SIPA1L2: variants seen among roughly 807,000 people sequenced by gnomAD.
The protein encoded by SIPA1L2 is signal-induced proliferation-associated 1-like protein 2.
In SIPA1L2, 56 loss-of-function variants were observed where a neutral mutation model predicts 163.9. That is an observed-to-expected ratio of 0.34 (90% CI 0.28 to 0.43). SIPA1L2 has a LOEUF of 0.43. Ranked by LOEUF, SIPA1L2 falls within the 20% of genes least tolerant of loss-of-function variation. SIPA1L2 has a pLI of 1.00. For synonymous variants in SIPA1L2, 877 were observed against 865.7 expected, an observed-to-expected ratio of 1.01 and a Z score of -0.23; for missense variants, 1,974 against 2,193.5, an observed-to-expected ratio of 0.90 and a Z score of 2.00.
At chr1:232,545,039 A>G (rs1324737601) in intron 2 of SIPA1L2, among the ~76,000 whole-genome samples, 1 of 152,248 alleles carries the variant, frequency 6.6e-6, no homozygotes, top group Non-Finnish European at 1.5e-5. Flanking sequence ...GGAAAAAACC[A>G]GGCAAAGCGG....
At chr1:232,547,587 C>T (rs572326726) in intron 2 of SIPA1L2, among the ~76,000 whole-genome samples, 4 of 1,922 alleles carry the variant, frequency 2.1e-3, no homozygotes, top group East Asian at 0.012. Flanking sequence ...TGGGTGGGGG[C>T]TGGGGGGGGC....
chr1:232,461,182 T>TA (rs1664217139), intron 9 of SIPA1L2, 21 bp from the exon 10 acceptor site: 21 of 1,606,986 alleles, frequency 1.3e-5, no homozygotes, highest in Non-Finnish European at 1.8e-5. Context: ...AGGAGACTGT[T>TA]AGAGATGCCC....
At chr1:232,456,799 T>C (rs571739262) in intron 10 of SIPA1L2, among the ~76,000 whole-genome samples, 1 of 152,312 alleles carries the variant, frequency 6.6e-6, no homozygotes, top group East Asian at 1.9e-4. Flanking sequence ...CCACAGAGAC[T>C]GTCTGCTTGA....
chr1:232,526,756 CACTCATCTGAG>C (rs1426883337), intron 2 of SIPA1L2, among the ~76,000 whole-genome samples: 1 of 152,200 alleles, frequency 6.6e-6, no homozygotes, highest in Non-Finnish European at 1.5e-5. Flanking sequence ...GGCAGCAAGT[CACTCATCTGAG>C]ACTGTGCCCC....
At chr1:232,484,598 T>A (rs1295811871) in intron 5 of SIPA1L2, among the ~76,000 whole-genome samples, 1 of 152,206 alleles carries the variant, frequency 6.6e-6, no homozygotes, top group African/African-American at 2.4e-5. Context: ...CTTGAAAACA[T>A]CTGCTAAATA....
chr1:232,479,487 C>T, intron 7 of SIPA1L2, 140 bp downstream of exon 7: 1 of 667,170 alleles, frequency 1.5e-6, no homozygotes. Context: ...TCCAAATGAT[C>T]AAAGAGTCAA....
At chr1:232,400,008 C>T (rs569837719) in intron 22 of SIPA1L2, among the ~76,000 whole-genome samples, 3 of 152,236 alleles carry the variant, frequency 2.0e-5, no homozygotes, top group South Asian at 2.1e-4. Context: ...GGTGAGTGGA[C>T]GCCCCCACCC....
intron 2 of SIPA1L2, among the ~76,000 whole-genome samples, chr1:232,537,643 G>C (rs1216887985): frequency 1.3e-5 from 2 of 152,192 alleles, no homozygotes; most frequent in Non-Finnish European, 2.9e-5. Flanking sequence ...ATGGGCTGTG[G>C]AGTCAGACGC....
chr1:232,473,162 A>G lies in SIPA1L2; in HGVS notation c.2086-1634T>C, dbSNP rs1268163547. On this transcript the variant is annotated intron_variant, in intron 7 of 22. Coordinates refer to ENST00000674635, the MANE Select transcript of SIPA1L2 (RefSeq NM_020808.5). Reference sequence around the variant, plus strand: ...TAATCAGTGAAAACTATCTTTGGCAAGGACATTCTTTACTCTTTTCTCCAA... The same window carrying G: ...TAATCAGTGAAAACTATCTTTGGCAGGGACATTCTTTACTCTTTTCTCCAA... Among the ~76,000 whole-genome samples, 4 of 152,260 alleles carry G rather than the reference A, an allele frequency of 2.6e-5. 1 individual carries two copies. The highest frequency in any genetic ancestry group is 9.6e-5 in the African/African-American group (4 of 41,468).
At chr1:232,609,279 T>C (rs971241891) in intron 1 of SIPA1L2, among the ~76,000 whole-genome samples, 11 of 152,160 alleles carry the variant, frequency 7.2e-5, no homozygotes, top group African/African-American at 1.9e-4. Flanking sequence ...AAATAAACGG[T>C]TGGACCTAAT....
At chr1:232,490,057 C>T (rs186350198) in intron 5 of SIPA1L2, among the ~76,000 whole-genome samples, 3 of 152,270 alleles carry the variant, frequency 2.0e-5, no homozygotes, top group African/African-American at 4.8e-5. Flanking sequence ...GCTCTGATCA[C>T]GTCACATCCT....
intron 1 of SIPA1L2, among the ~76,000 whole-genome samples, chr1:232,594,827 C>T (rs529594861): frequency 2.4e-4 from 36 of 152,208 alleles, no homozygotes; most frequent in Non-Finnish European, 4.6e-4. Context: ...GCAGGTAATG[C>T]CCAAGCACCT....
chr1:232,471,246 A>G (rs1317192852), intron 8 of SIPA1L2, 125 bp downstream of exon 8: 2 of 1,020,986 alleles, frequency 2.0e-6, no homozygotes, highest in Non-Finnish European at 2.9e-6. Flanking sequence ...TCTTACAGAA[A>G]GTGTCTGAGT....
intron 2 of SIPA1L2, among the ~76,000 whole-genome samples, chr1:232,547,391 G>A (rs1412020422): frequency 6.6e-6 from 1 of 151,908 alleles, no homozygotes; most frequent in Non-Finnish European, 1.5e-5. Flanking sequence ...TTCCGGGTAA[G>A]GTGGTCTCGG....
chr1:232,479,901 C>T (rs553755555), intron 6 of SIPA1L2, among the ~76,000 whole-genome samples, 171 bp from the exon 7 acceptor site: 22 of 152,306 alleles, frequency 1.4e-4, no homozygotes, highest in East Asian at 1.9e-4. Flanking sequence ...CTACCACTCC[C>T]GCTCCAGGAC....
intron 1 of SIPA1L2, among the ~76,000 whole-genome samples, chr1:232,608,263 G>C (rs1006928695): frequency 1.3e-5 from 2 of 152,038 alleles, no homozygotes; most frequent in Non-Finnish European, 2.9e-5. Flanking sequence ...GGTCAGGCTG[G>C]TCTCGAACTC....
At chr1:232,477,724 T>A (rs950887084) in intron 7 of SIPA1L2, among the ~76,000 whole-genome samples, 8 of 152,204 alleles carry the variant, frequency 5.3e-5, no homozygotes, top group African/African-American at 1.9e-4. Flanking sequence ...GTCAGGTACA[T>A]AAAACTCGAA....
intron 2 of SIPA1L2, among the ~76,000 whole-genome samples, chr1:232,544,153 C>A (rs1028493822): frequency 1.3e-5 from 2 of 151,522 alleles, no homozygotes; most frequent in Admixed American, 1.3e-4. Flanking sequence ...CTCTTATTCA[C>A]GGAATAAGCA....
chr1:232,584,260 C>T (rs1660535305), intron 1 of SIPA1L2, among the ~76,000 whole-genome samples: 1 of 152,106 alleles, frequency 6.6e-6, no homozygotes, highest in Non-Finnish European at 1.5e-5. Flanking sequence ...GAGTCTCACT[C>T]TATCAGCAGG....
Sources: gnomAD v4.1 joint callset for allele counts (sites outside exome capture counted in the v4.1 genomes callset) on GRCh38, gnomAD v4.1.1 for gene constraint, MANE v1.5 for transcripts, NCBI Gene and HGNC (gene_info 2026-07-23, HGNC 2026-07-21) for gene names.